TBC1D30: variants seen among roughly 807,000 people sequenced by gnomAD.
The protein encoded by TBC1D30 is TBC1 domain family member 30, also known as TBC1 domain family, member 30.
TBC1D30 carries 31 observed loss-of-function variants against 63.2 expected under a neutral mutation model. That is an observed-to-expected ratio of 0.49 (90% CI 0.37 to 0.66). TBC1D30 has a LOEUF of 0.66. TBC1D30 is among the 30% of genes least tolerant of loss of function. The probability of loss-of-function intolerance (pLI) is 0.00; values close to 1 mark genes in which losing one functional copy is unlikely to be tolerated. For missense variants in TBC1D30, 810 were observed against 953.6 expected, an observed-to-expected ratio of 0.85 and a Z score of 1.98; for synonymous variants, 307 against 361.5, an observed-to-expected ratio of 0.85 and a Z score of 1.71.
rs951269465 is a variant in TBC1D30 at position 64,787,441 on chromosome 12, C to T, written c.643+1396C>T. 1.8e-5 allele frequency: 16 copies of T among 898,490 alleles called. No individual in the cohort carries two copies. In the African/African-American group the frequency reaches 2.3e-4, roughly 13 times the overall value. The allele number at this position is 898,490 out of a possible 1,614,324, so 55.7% of individuals were successfully genotyped here. ...AAAATGCCTGTGACAGCTTTTCAGG[C>T]GATTGTGGAAGTTGCCTTTTGTTGC... On this transcript the variant is annotated intron_variant, in intron 2 of 12. Transcript: ENST00000542120.
At position 64,781,127 on chromosome 12, in the gene TBC1D30, G is replaced by T. The variant is rs1871258122; in HGVS notation, c.319G>T (p.Gly107Cys). 3.0e-6 allele frequency: 3 copies of T among 1,007,418 alleles called. No individual in the cohort carries two copies. In the African/African-American group the frequency reaches 5.2e-5, roughly 18 times the overall value. The allele number at this position is 1,007,418 out of a possible 1,614,324, so 62.4% of individuals were successfully genotyped here. ...GGCGGGCGGGGGCCGCGGGGCCGAGGGCCGCCGGCGGCGCCGCGACAGCCT... is the reference window on the plus strand; with the variant it reads ...GGCGGGCGGGGGCCGCGGGGCCGAGTGCCGCCGGCGGCGCCGCGACAGCCT... Residue 107 changes from glycine (G) to cysteine (C), a missense_variant, in exon 1 of 13, where the codon GGC (glycine) becomes TGC (cysteine). Gly to Cys is a radical substitution (Grantham distance 159). Coordinates refer to the TBC1D30 transcript ENST00000542120.
intron 2 of TBC1D30, among the ~76,000 whole-genome samples, chr12:64,789,996 C>T (rs367578422): frequency 2.0e-5 from 3 of 152,118 alleles, no homozygotes; most frequent in South Asian, 2.1e-4. Context: ...ATTTGGCAAG[C>T]GTCACACAGC....
chr12:64,828,058 G>A (rs906178288), intron 2 of TBC1D30, among the ~76,000 whole-genome samples, 162 bp downstream of exon 2: 1 of 152,174 alleles, frequency 6.6e-6, no homozygotes, highest in Non-Finnish European at 1.5e-5. Context: ...AGTGGCCTGG[G>A]TTTATATTTG....
At chr12:64,779,208 T>A (rs1038731589), upstream of TBC1D30, 7 of 151,826 alleles carry the variant, frequency 4.6e-5, no homozygotes, top group South Asian at 4.2e-4. Flanking sequence ...AAAAAATAGG[T>A]CCAATTTCAG....
At chr12:64,827,172 G>A (rs539357118) in intron 1 of TBC1D30, among the ~76,000 whole-genome samples, 3 of 152,128 alleles carry the variant, frequency 2.0e-5, no homozygotes, top group Non-Finnish European at 4.4e-5. Flanking sequence ...AAATGGGGCC[G>A]GGTGCCGTGG....
chr12:64,835,011 C>A (rs1251695878), intron 5 of TBC1D30, among the ~76,000 whole-genome samples: 1 of 152,190 alleles, frequency 6.6e-6, no homozygotes, highest in Non-Finnish European at 1.5e-5. Flanking sequence ...ATTCATGATC[C>A]TGTAAATTCC....
intron 2 of TBC1D30, among the ~76,000 whole-genome samples, chr12:64,790,775 G>A (rs1871868756): frequency 6.6e-6 from 1 of 152,128 alleles, no homozygotes; most frequent in Non-Finnish European, 1.5e-5. Flanking sequence ...TTCATAATGA[G>A]TGTCTTCTCT....
chr12:64,869,659 G>T (rs78424992), intron 10 of TBC1D30, among the ~76,000 whole-genome samples: 3,569 of 151,642 alleles, frequency 0.024, 91 homozygotes, highest in South Asian at 0.092. Flanking sequence ...GCATTTTTGT[G>T]CTCTAGGATG....
In TBC1D30 at chr12:64,875,535, G is replaced by C; in HGVS notation, c.2033G>C (p.Cys678Ser). 6.5e-7 allele frequency: 1 copy of C among 1,536,112 alleles called. No individual in the cohort carries two copies. The highest frequency in any genetic ancestry group is 8.7e-7 in the Non-Finnish European group (1 of 1,146,904). Residue 678 changes from cysteine (C) to serine (S), a missense_variant, in exon 12 of 12, where the codon TGC becomes TCC. Cys to Ser is a moderately radical substitution (Grantham distance 112). Transcript: ENST00000539867. ...ACTGAGCTCAGGGTGCACCCACCCT[G>C]CCAGCGGCACTGCCCAGAGCCGCCG... Reference protein sequence around the residue: ...AETELRVHPPCQRHCPEPPSA... With the variant: ...AETELRVHPPSQRHCPEPPSA...
At chr12:64,860,821 C>A (rs185242598) in intron 8 of TBC1D30, among the ~76,000 whole-genome samples, 37 of 152,314 alleles carry the variant, frequency 2.4e-4, no homozygotes, top group Middle Eastern at 3.4e-3. Context: ...TAGTGGCAGA[C>A]CCAAGACTGC....
chr12:64,822,562 A>G (rs971599315), upstream of TBC1D30, among the ~76,000 whole-genome samples: 13 of 152,042 alleles, frequency 8.6e-5, no homozygotes, highest in African/African-American at 3.1e-4. Context: ...CAGTGGTGCG[A>G]TAATGGCTCA....
upstream of TBC1D30, among the ~76,000 whole-genome samples, chr12:64,777,764 A>G (rs563970099): frequency 4.6e-5 from 7 of 152,306 alleles, no homozygotes; most frequent in South Asian, 1.4e-3. Flanking sequence ...CTATTTTAAA[A>G]TTCATATGGA....
At chr12:64,800,372 A>C (rs1872533579) in intron 2 of TBC1D30, among the ~76,000 whole-genome samples, 2 of 152,158 alleles carry the variant, frequency 1.3e-5, no homozygotes, top group African/African-American at 4.8e-5. Flanking sequence ...TTCATGTTTC[A>C]GAGGTCATTT....
At chr12:64,787,032 A>G (rs2136297620) in intron 2 of TBC1D30, among the ~76,000 whole-genome samples, 1 of 152,312 alleles carries the variant, frequency 6.6e-6, no homozygotes, top group East Asian at 1.9e-4. Flanking sequence ...TTTTTCTCTT[A>G]TTCTGTGTTG....
intron 8 of TBC1D30, among the ~76,000 whole-genome samples, chr12:64,847,079 G>T (rs1281104219): frequency 6.6e-6 from 1 of 151,986 alleles, no homozygotes; most frequent in Admixed American, 6.6e-5. Context: ...TTATTGGTGT[G>T]TTCAGGTTTT....
chr12:64,802,853 TC>T (rs1339130080), intron 2 of TBC1D30, among the ~76,000 whole-genome samples: 3 of 152,224 alleles, frequency 2.0e-5, no homozygotes, highest in Non-Finnish European at 4.4e-5. Context: ...TGCATAGTAT[TC>T]CATGGTGTGT....
chr12:64,808,595 A>G (rs1592572385), intron 2 of TBC1D30, among the ~76,000 whole-genome samples: 1 of 152,224 alleles, frequency 6.6e-6, no homozygotes, highest in Admixed American at 6.5e-5. Flanking sequence ...TAAAATATAT[A>G]TAACAGAAAT....
At position 64,875,827 on chromosome 12, in the gene TBC1D30, C is replaced by T. The variant is rs992683138; in HGVS notation, c.*39C>T. ...CTTTGTATCTGGACTCACCTTTTCA[C>T]AGTAGTATAAGGGTTGCAGCTGAAT... On this transcript the variant is annotated 3_prime_UTR_variant, in exon 12 of 12. Transcript: ENST00000539867. The T allele has an allele frequency of 2.7e-6, 4 of 1,491,288 alleles. No individual in the cohort carries two copies. The highest frequency in any genetic ancestry group is 1.7e-4 in the Middle Eastern group (1 of 5,756). 92.4% of individuals were successfully genotyped at this position (1,491,288 alleles called of 1,614,324 possible). A position where few individuals can be genotyped will look rare whatever the true frequency, so the allele number is the denominator to read the frequency against.
At position 64,836,606 on chromosome 12, in the gene TBC1D30, A is replaced by AT. The variant is rs1401423942; in HGVS notation, c.713dup (p.Leu238PhefsTer21). 1 of 1,535,886 alleles carries AT rather than the reference A, an allele frequency of 6.5e-7. No individual in the cohort carries two copies. The highest frequency in any genetic ancestry group is 2.4e-5 in the East Asian group (1 of 40,906). On this transcript the variant is annotated frameshift_variant, in exon 6 of 12. Transcript: ENST00000539867. LOFTEE classifies it high-confidence loss of function. The stretch of plus-strand genomic sequence containing the variant: ...ACCTTTTAAGAATGAAGCTGCCGGA[A>AT]TTATCTCAGCACCTGGATACTCTTC...
Sources: allele counts gnomAD v4.1 joint callset (sites outside exome capture counted in the v4.1 genomes callset), GRCh38; gene constraint gnomAD v4.1.1; transcripts MANE v1.5; gene names NCBI Gene and HGNC (gene_info 2026-07-23, HGNC 2026-07-21).